Variants in FAM193A observed in about 807,000 individuals in gnomAD.
The protein encoded by FAM193A is protein FAM193A.
In FAM193A, 22 loss-of-function variants were observed where a neutral mutation model predicts 126.5. The observed-to-expected ratio is 0.17, with a 90% CI of 0.12 to 0.25. FAM193A has a LOEUF of 0.25. Ranked by LOEUF, FAM193A falls within the 10% of genes least tolerant of loss-of-function variation. The pLI, the probability that FAM193A is intolerant of heterozygous loss-of-function variation, is 1.00. For missense variants in FAM193A, 1,675 were observed against 1,672.8 expected (o/e 1.00, Z -0.02); for synonymous variants, 761 against 646.8 (o/e 1.18, Z -2.68).
intron 2 of FAM193A, among the ~76,000 whole-genome samples, chr4:2,619,890 C>T (rs1349461679): frequency 6.6e-6 from 1 of 152,058 alleles, no homozygotes; most frequent in Non-Finnish European, 1.5e-5. Context: ...GGGATTTTGC[C>T]ATCTTGGTGA....
At chr4:2,560,867 C>T (rs942666536) in intron 1 of FAM193A, among the ~76,000 whole-genome samples, 4 of 152,142 alleles carry the variant, frequency 2.6e-5, no homozygotes, top group Admixed American at 6.5e-5. Context: ...AGGCTGGTCT[C>T]GAACTCCTGG....
At chr4:2,546,829 G>T (rs923087689) in intron 1 of FAM193A, among the ~76,000 whole-genome samples, 4 of 152,192 alleles carry the variant, frequency 2.6e-5, no homozygotes, top group African/African-American at 9.6e-5. Context: ...TGAAACCGCT[G>T]AACTGTTATC....
chr4:2,684,654 C>T (rs1239204514), intron 13 of FAM193A, among the ~76,000 whole-genome samples: 1 of 152,196 alleles, frequency 6.6e-6, no homozygotes, highest in South Asian at 2.1e-4. Flanking sequence ...CGAGAGCTGC[C>T]TGAGACCTGG....
At chr4:2,661,627 G>A (rs1051618512) in intron 10 of FAM193A, among the ~76,000 whole-genome samples, 2 of 152,132 alleles carry the variant, frequency 1.3e-5, no homozygotes, top group Non-Finnish European at 2.9e-5. Context: ...ACTCTAGCAC[G>A]TTACTTGTAA....
intron 1 of FAM193A, among the ~76,000 whole-genome samples, chr4:2,549,631 C>T (rs1240545922): frequency 4.0e-5 from 6 of 150,238 alleles, no homozygotes; most frequent in African/African-American, 1.5e-4. Flanking sequence ...CTCCTGACCT[C>T]GTGATCCGCC....
At chr4:2,669,089 C>T (rs1217183175) in intron 12 of FAM193A, among the ~76,000 whole-genome samples, 3 of 151,922 alleles carry the variant, frequency 2.0e-5, no homozygotes, top group African/African-American at 4.8e-5. Flanking sequence ...GTGACCTACC[C>T]GCCTTGGCCT....
chr4:2,546,231 G>C (rs929193567), intron 1 of FAM193A, among the ~76,000 whole-genome samples: 1 of 151,596 alleles, frequency 6.6e-6, no homozygotes, highest in Non-Finnish European at 1.5e-5. Context: ...GGCTCAAGCA[G>C]TCCTCCTACC....
intron 2 of FAM193A, among the ~76,000 whole-genome samples, chr4:2,600,313 G>A (rs576439186): frequency 2.0e-4 from 30 of 152,326 alleles, no homozygotes; most frequent in Admixed American, 5.9e-4. Context: ...ACTTGGCACT[G>A]TGGCTCTTCC....
At chr4:2,593,853 G>A (rs898949455) in intron 1 of FAM193A, among the ~76,000 whole-genome samples, 2 of 151,984 alleles carry the variant, frequency 1.3e-5, no homozygotes, top group African/African-American at 4.8e-5. Flanking sequence ...TTATATTGGG[G>A]TAAATCAGTG....
At chr4:2,729,792 T>G (rs1211851676) in intron 20 of FAM193A, among the ~76,000 whole-genome samples, 1 of 152,136 alleles carries the variant, frequency 6.6e-6, no homozygotes. Flanking sequence ...TGTGTTTTTT[T>G]GTAGAGATGA....
At chr4:2,576,635 C>G (rs1203089213) in intron 1 of FAM193A, among the ~76,000 whole-genome samples, 2 of 152,188 alleles carry the variant, frequency 1.3e-5, no homozygotes, top group Non-Finnish European at 2.9e-5. Flanking sequence ...TCTTGAGTAG[C>G]TGGGATTACA....
intron 13 of FAM193A, among the ~76,000 whole-genome samples, chr4:2,676,872 T>C (rs1714470097): frequency 1.3e-5 from 2 of 151,628 alleles, no homozygotes; most frequent in Non-Finnish European, 1.5e-5. Flanking sequence ...ACCCGGAAGG[T>C]GGAGCTTGCA....
At chr4:2,550,015 C>T (rs1247570360) in intron 1 of FAM193A, among the ~76,000 whole-genome samples, 1 of 148,856 alleles carries the variant, frequency 6.7e-6, no homozygotes. Context: ...GCATGAGCCA[C>T]CGCACCTGGC....
intron 13 of FAM193A, among the ~76,000 whole-genome samples, chr4:2,682,937 G>A (rs188689053): frequency 7.2e-4 from 109 of 152,270 alleles, no homozygotes; most frequent in Middle Eastern, 3.4e-3. Context: ...TCCTTCTCTA[G>A]TATTCTTCCT....
At chr4:2,654,385 T>TC (rs1373551679) in intron 7 of FAM193A, 14 of 149,412 alleles carry the variant, frequency 9.4e-5, no homozygotes, top group Non-Finnish European at 1.6e-4. Flanking sequence ...CTAATTTTTT[T>TC]TTTTTTTTTT....
intron 1 of FAM193A, among the ~76,000 whole-genome samples, chr4:2,583,889 G>A (rs566298807): frequency 6.6e-6 from 1 of 152,280 alleles, no homozygotes; most frequent in African/African-American, 2.4e-5. Flanking sequence ...GTAAGGTTGA[G>A]CATTATGCTG....
intron 14 of FAM193A, 25 bp downstream of exon 14, chr4:2,689,729 T>A: frequency 6.5e-7 from 1 of 1,529,538 alleles, no homozygotes; most frequent in Non-Finnish European, 8.9e-7. Flanking sequence ...AAAACTTTCT[T>A]GAAGTTTTAA....
intron 5 of FAM193A, among the ~76,000 whole-genome samples, chr4:2,637,766 A>T (rs1055937166): frequency 1.3e-5 from 2 of 152,172 alleles, no homozygotes; most frequent in Non-Finnish European, 2.9e-5. Context: ...TCGATGGGGC[A>T]TGGGCAGGGC....
At chr4:2,723,699 A>G (rs553693018) in intron 20 of FAM193A, among the ~76,000 whole-genome samples, 117 of 152,386 alleles carry the variant, frequency 7.7e-4, no homozygotes, top group African/African-American at 2.4e-3. Context: ...AAAAGAAGTT[A>G]TTCATTTAAC....
Sources: gnomAD v4.1 joint callset for allele counts (sites outside exome capture counted in the v4.1 genomes callset) on GRCh38, gnomAD v4.1.1 for gene constraint, MANE v1.5 for transcripts, NCBI Gene and HGNC (gene_info 2026-07-23, HGNC 2026-07-21) for gene names.